Variants in BDKRB2 observed in about 807,000 individuals in gnomAD.
The protein encoded by BDKRB2 is B2 bradykinin receptor.
BDKRB2 carries 6 observed loss-of-function variants against 4.0 expected under a neutral mutation model. The ratio of observed to expected loss-of-function variants is 1.49; its 90% CI spans 0.81 to 2.93. The LOEUF is 2.93. Among genes scored for constraint, BDKRB2 ranks in the 30% most tolerant of loss-of-function variants. The pLI is 0.00. For synonymous variants in BDKRB2, 225 were observed against 215.3 expected (o/e 1.05, Z -0.40); for missense variants, 478 against 520.1 (o/e 0.92, Z 0.79).
intron 1 of BDKRB2, among the ~76,000 whole-genome samples, chr14:96,205,325 G>A (rs1021174500): frequency 1.3e-5 from 2 of 152,150 alleles, no homozygotes; most frequent in African/African-American, 4.8e-5. Context: ...GGTGCTGGGT[G>A]GAGGCTCCAG....
At chr14:96,205,207 A>G (rs941574516) in intron 1 of BDKRB2, among the ~76,000 whole-genome samples, 10 of 152,178 alleles carry the variant, frequency 6.6e-5, no homozygotes, top group Non-Finnish European at 1.5e-4. Context: ...GGTGACAGAC[A>G]GGCTTGTGTG....
In BDKRB2 at chr14:96,243,466, G is replaced by T. The variant is rs13306218; in HGVS notation, c.*1962G>T. 1.3e-5 allele frequency: 2 copies of T among 152,464 alleles called. No individual in the cohort carries two copies. Among genetic ancestry groups the T allele is most frequent in the African/African-American group, 4.9e-5 (2 of 41,166 alleles). The allele number at this position is 152,464 out of a possible 1,614,324, so 9.4% of individuals were successfully genotyped here. A position where few individuals can be genotyped will look rare whatever the true frequency, so the allele number is the denominator to read the frequency against. On this transcript the variant is annotated 3_prime_UTR_variant, in exon 3 of 3. Coordinates refer to ENST00000554311, the MANE Select transcript of BDKRB2 (RefSeq NM_001379692.1). ...TAGAACCTAGAAGGGCTAGAACCTG[G>T]AGAGCCAGAACCTGGAGGGCTAGAA...
chr14:96,211,744 A>C (rs1890308042), intron 1 of BDKRB2, among the ~76,000 whole-genome samples: 1 of 152,100 alleles, frequency 6.6e-6, no homozygotes, highest in South Asian at 2.1e-4. Context: ...CTGCTGTGTG[A>C]CCTAGGGCAA....
chr14:96,223,496 C>T, intron 1 of BDKRB2: 1 of 610,490 alleles, frequency 1.6e-6, no homozygotes, highest in South Asian at 1.9e-5. Context: ...CTGGTAACTG[C>T]TTTGCTTCTT....
intron 1 of BDKRB2, among the ~76,000 whole-genome samples, chr14:96,231,370 C>T (rs975202426): frequency 1.3e-5 from 2 of 152,200 alleles, no homozygotes; most frequent in Non-Finnish European, 2.9e-5. Context: ...ACCCCGTCTT[C>T]CCCCTACAGA....
At chr14:96,230,843 T>A (rs1360226262) in intron 1 of BDKRB2, among the ~76,000 whole-genome samples, 1 of 152,242 alleles carries the variant, frequency 6.6e-6, no homozygotes, top group African/African-American at 2.4e-5. Context: ...CTTGAACTTC[T>A]GACCTCAGGT....
chr14:96,240,341 C>T (rs1885241296), intron 2 of BDKRB2, 62 bp from the exon 3 acceptor site: 6 of 1,398,264 alleles, frequency 4.3e-6, no homozygotes, highest in African/African-American at 1.5e-5. Context: ...TCCTTCTGGA[C>T]CAGTTTTTGT....
At chr14:96,240,130 G>A (rs1414762633) in intron 2 of BDKRB2, 2 of 1,175,510 alleles carry the variant, frequency 1.7e-6, no homozygotes, top group Non-Finnish European at 2.1e-6. Flanking sequence ...GATTGTTAGT[G>A]CTGTTGGTGG....
chr14:96,206,248 T>C (rs550457813), intron 1 of BDKRB2, among the ~76,000 whole-genome samples: 11 of 152,062 alleles, frequency 7.2e-5, no homozygotes, highest in African/African-American at 2.7e-4. Flanking sequence ...AGAGAAGGCG[T>C]CTTTGGATGA....
rs137906985 is a variant in BDKRB2 at position 96,228,663 on chromosome 14, T to A, written c.-39-8406T>A. ...GGGGCATGGTGGGCCAGGGTGGTTT[T>A]GGCAAAAGCAACACTCAGGTGGGAA... is the stretch of plus-strand genomic sequence containing the variant. On this transcript the variant is annotated intron_variant, in intron 1 of 2. Coordinates refer to ENST00000554311, the MANE Select transcript of BDKRB2 (RefSeq NM_001379692.1). 2.6e-3 allele frequency among the ~76,000 whole-genome samples: 397 copies of A among 152,318 alleles called. 2 individuals are homozygous for A. The highest frequency in any genetic ancestry group is 9.1e-3 in the African/African-American group (380 of 41,568).
At chr14:96,210,314 C>A (rs1959052) in intron 1 of BDKRB2, among the ~76,000 whole-genome samples, 71,061 of 151,926 alleles carry the variant, frequency 0.47, 17,429 homozygotes, top group East Asian at 0.92. Context: ...TGGCTTAGTG[C>A]GTTTGGGGTC....
chr14:96,239,549 T>C, intron 2 of BDKRB2: 1 of 985,342 alleles, frequency 1.0e-6, no homozygotes, highest in Non-Finnish European at 1.2e-6. Context: ...GGTGTTGGAG[T>C]TTACCACTGG....
intron 1 of BDKRB2, among the ~76,000 whole-genome samples, chr14:96,233,225 G>A (rs192738385): frequency 6.6e-6 from 1 of 152,270 alleles, no homozygotes; most frequent in Non-Finnish European, 1.5e-5. Flanking sequence ...TGTAGACACA[G>A]TCTCGGCTGT....
intron 1 of BDKRB2, among the ~76,000 whole-genome samples, chr14:96,222,420 T>A (rs997664891): frequency 6.6e-6 from 1 of 152,042 alleles, no homozygotes; most frequent in African/African-American, 2.4e-5. Context: ...TTCCAAGCTT[T>A]GTATCATGGC....
At chr14:96,209,016 A>G (rs753450133) in intron 1 of BDKRB2, among the ~76,000 whole-genome samples, 2 of 152,166 alleles carry the variant, frequency 1.3e-5, no homozygotes, top group African/African-American at 2.4e-5. Flanking sequence ...CATGGTCATG[A>G]GGTCGCTTCT....
intron 1 of BDKRB2, among the ~76,000 whole-genome samples, chr14:96,207,577 A>T (rs1890216656): frequency 6.6e-6 from 1 of 152,200 alleles, no homozygotes; most frequent in South Asian, 2.1e-4. Flanking sequence ...GTCCATCACC[A>T]AGAGTGAACC....
In BDKRB2 at chr14:96,242,125, G is replaced by C. The variant is rs201574316; in HGVS notation, c.*621G>C. ...ATATTGAGCACTTGCTGTATATGCA[G>C]TATTGAGCACTGTAGGCAAGAGGGA... On this transcript the variant is annotated 3_prime_UTR_variant, in exon 3 of 3. Transcript: ENST00000554311. The C allele has an allele frequency of 3.3e-5, 5 of 152,302 alleles. No individual in the cohort carries two copies. Among genetic ancestry groups the C allele is most frequent in the Admixed American group, 2.6e-4 (4 of 15,296 alleles). The allele number at this position is 152,302 out of a possible 1,614,324, so 9.4% of individuals were successfully genotyped here.
chr14:96,215,390 T>G (rs1012759846), intron 1 of BDKRB2, among the ~76,000 whole-genome samples: 17 of 152,088 alleles, frequency 1.1e-4, no homozygotes. Flanking sequence ...TTGTTTCCTG[T>G]GACCCTTCTT....
At chr14:96,221,009 T>G (rs918061347) in intron 1 of BDKRB2, among the ~76,000 whole-genome samples, 1 of 152,012 alleles carries the variant, frequency 6.6e-6, no homozygotes, top group Non-Finnish European at 1.5e-5. Flanking sequence ...TAAAGAGAGA[T>G]AATGCAGTGA....
Sources: allele counts gnomAD v4.1 joint callset (sites outside exome capture counted in the v4.1 genomes callset), GRCh38; gene constraint gnomAD v4.1.1; transcripts MANE v1.5; gene names NCBI Gene and HGNC (gene_info 2026-07-23, HGNC 2026-07-21).